The following VTI1A variants were observed in gnomAD, a reference collection of about 807,000 sequenced individuals.
VTI1A encodes the protein vesicle transport through interaction with t-SNAREs 1A.
VTI1A carries 22 observed loss-of-function variants against 34.9 expected under a neutral mutation model. That is an observed-to-expected ratio of 0.63 (90% CI 0.45 to 0.90). The LOEUF is 0.90. VTI1A is among the 40% of genes least tolerant of loss of function. The pLI is 0.00. For synonymous variants in VTI1A, 87 were observed against 97.3 expected, an observed-to-expected ratio of 0.89 and a Z score of 0.62; for missense variants, 268 against 275.6, an observed-to-expected ratio of 0.97 and a Z score of 0.20.
chr10:112,823,397 G>A (rs185172222), downstream of VTI1A: 7 of 152,306 alleles, frequency 4.6e-5, no homozygotes, highest in Admixed American at 3.3e-4. Context: ...AAAAGTTGCC[G>A]AGTGGCTAAG....
intron 7 of VTI1A, among the ~76,000 whole-genome samples, chr10:112,813,583 C>T (rs1373176564): frequency 6.6e-6 from 1 of 151,986 alleles, no homozygotes; most frequent in Non-Finnish European, 1.5e-5. Flanking sequence ...GGGAAAAAAT[C>T]AATTTGGGTT....
chr10:112,493,273 T>C (rs1848900172), intron 3 of VTI1A, among the ~76,000 whole-genome samples: 2 of 152,126 alleles, frequency 1.3e-5, no homozygotes, highest in Admixed American at 6.5e-5. Flanking sequence ...TCATTGTTAG[T>C]ACATGGAAAT....
intron 7 of VTI1A, among the ~76,000 whole-genome samples, chr10:112,692,181 T>C (rs1336037100): frequency 1.3e-5 from 2 of 152,168 alleles, no homozygotes; most frequent in Non-Finnish European, 2.9e-5. Flanking sequence ...TAGATTAAAA[T>C]AACTAATGCA....
chr10:112,471,498 G>A (rs1848080703), intron 3 of VTI1A, among the ~76,000 whole-genome samples: 1 of 150,376 alleles, frequency 6.6e-6, no homozygotes, highest in Non-Finnish European at 1.5e-5. Context: ...TGTTTTAGAT[G>A]AAGAAATGGA....
At chr10:112,592,845 G>A (rs967859238) in intron 5 of VTI1A, among the ~76,000 whole-genome samples, 2 of 152,230 alleles carry the variant, frequency 1.3e-5, no homozygotes, top group African/African-American at 2.4e-5. Flanking sequence ...GGTGTTAACC[G>A]AGTGAATCCT....
At position 112,495,196 on chromosome 10, in the gene VTI1A, C is replaced by CTT. The variant is rs751870581; in HGVS notation, c.264+30562_264+30563dup. Among the ~76,000 whole-genome samples, 275 of 78,996 alleles carry CTT rather than the reference C, an allele frequency of 3.5e-3. 1 individual carries two copies. The highest frequency in any genetic ancestry group is 0.013 in the African/African-American group (256 of 20,136). The allele number at this position is 78,996 out of a possible 152,430, so 51.8% of individuals were successfully genotyped here. On this transcript the variant is annotated intron_variant, in intron 3 of 7. Coordinates refer to ENST00000393077, the MANE Select transcript of VTI1A (RefSeq NM_145206.4). Reference sequence around the variant, plus strand: ...TTGATGGGAAGAATTCAGTAATGGTCTTTTTTTTTTTTTTTTTTTTTTTTA... The same window carrying CTT: ...TTGATGGGAAGAATTCAGTAATGGTCTTTTTTTTTTTTTTTTTTTTTTTTTTA...
At chr10:112,493,972 A>T (rs556766886) in intron 3 of VTI1A, among the ~76,000 whole-genome samples, 1 of 152,306 alleles carries the variant, frequency 6.6e-6, no homozygotes, top group African/African-American at 2.4e-5. Flanking sequence ...CTAGTCTCAT[A>T]GAACAAGTTA....
intron 7 of VTI1A, among the ~76,000 whole-genome samples, chr10:112,756,358 C>G (rs1297530108): frequency 6.6e-6 from 1 of 152,150 alleles, no homozygotes; most frequent in Admixed American, 6.5e-5. Flanking sequence ...CCTCTCTCAG[C>G]AAACAAAATC....
chr10:112,605,867 T>C (rs1226161767), intron 5 of VTI1A, among the ~76,000 whole-genome samples: 3 of 152,190 alleles, frequency 2.0e-5, no homozygotes, highest in Non-Finnish European at 4.4e-5. Context: ...TCTTAAGTTA[T>C]TGGACCATCC....
chr10:112,463,852 G>C (rs555499874), intron 2 of VTI1A, among the ~76,000 whole-genome samples: 2 of 152,318 alleles, frequency 1.3e-5, no homozygotes, highest in South Asian at 4.1e-4. Context: ...TTACCCATGG[G>C]AAATAATAGC....
At chr10:112,704,733 T>A (rs1379720076) in intron 7 of VTI1A, among the ~76,000 whole-genome samples, 4 of 152,192 alleles carry the variant, frequency 2.6e-5, no homozygotes, top group African/African-American at 9.7e-5. Flanking sequence ...GGTGTTAAAA[T>A]TTGATCAGCA....
At chr10:112,854,896 C>T in the VTI1A span, among the ~76,000 whole-genome samples, 1 of 152,172 alleles carries the variant, frequency 6.6e-6, no homozygotes, top group Admixed American at 6.5e-5. Context: ...GGAGATGGTA[C>T]CAGCTGGGGC....
chr10:112,762,401 CAGAG>C (rs1851499385), intron 7 of VTI1A, among the ~76,000 whole-genome samples: 1 of 152,106 alleles, frequency 6.6e-6, no homozygotes, highest in African/African-American at 2.4e-5. Context: ...AACACGAAGA[CAGAG>C]AGGTTCCTAC....
At chr10:112,536,900 CT>C (rs1378165869) in intron 4 of VTI1A, among the ~76,000 whole-genome samples, 1 of 152,012 alleles carries the variant, frequency 6.6e-6, no homozygotes, top group Non-Finnish European at 1.5e-5. Context: ...TAATCACTTC[CT>C]TTCTTTGAAG....
At chr10:112,692,047 G>A (rs1848633200) in intron 7 of VTI1A, among the ~76,000 whole-genome samples, 1 of 152,176 alleles carries the variant, frequency 6.6e-6, no homozygotes, top group South Asian at 2.1e-4. Context: ...AAAGATAGCT[G>A]CCACACATGT....
intron 7 of VTI1A, among the ~76,000 whole-genome samples, chr10:112,714,417 C>T (rs1170978200): frequency 1.3e-5 from 2 of 152,146 alleles, no homozygotes; most frequent in Non-Finnish European, 2.9e-5. Context: ...AATGTAAGCT[C>T]CAGGAGAGCA....
chr10:112,567,673 G>A (rs1192031494), intron 5 of VTI1A, among the ~76,000 whole-genome samples: 1 of 152,138 alleles, frequency 6.6e-6, no homozygotes, highest in Non-Finnish European at 1.5e-5. Flanking sequence ...CTACCATGTT[G>A]GATAATTGAC....
chr10:112,457,697 A>C (rs2134033223), intron 1 of VTI1A, among the ~76,000 whole-genome samples: 1 of 152,310 alleles, frequency 6.6e-6, no homozygotes, highest in Non-Finnish European at 1.5e-5. Flanking sequence ...AAAATGGATG[A>C]AATTGCCCAG....
Position 112,815,542 on chromosome 10 carries a change from T to C in VTI1A, c.*159T>C. ...AAGTGCAAAGAGTGTAAAAATATTT[T>C]CTATTCCTGTTTGCATGTGGGTTGG... is the stretch of plus-strand genomic sequence containing the variant. On this transcript the variant is annotated 3_prime_UTR_variant, in exon 8 of 8. Transcript: ENST00000393077. 1 of 624,984 alleles carries C rather than the reference T, an allele frequency of 1.6e-6. No homozygotes were observed. The highest frequency in any genetic ancestry group is 2.8e-6 in the Non-Finnish European group (1 of 355,154). The allele number at this position is 624,984 out of a possible 1,614,324, so 38.7% of individuals were successfully genotyped here. A position where few individuals can be genotyped will look rare whatever the true frequency, so the allele number is the denominator to read the frequency against.
Sources: gnomAD v4.1 joint callset for allele counts (sites outside exome capture counted in the v4.1 genomes callset) on GRCh38, gnomAD v4.1.1 for gene constraint, MANE v1.5 for transcripts, NCBI Gene and HGNC (gene_info 2026-07-23, HGNC 2026-07-21) for gene names.